Variants in C14orf39 observed in about 807,000 individuals in gnomAD.
C14orf39 encodes protein SIX6OS1.
C14orf39 carries 66 observed loss-of-function variants against 85.6 expected under a neutral mutation model. The ratio of observed to expected loss-of-function variants is 0.77; its 90% confidence interval spans 0.63 to 0.95. The LOEUF is 0.95. C14orf39 is among the 40% of genes least tolerant of loss of function. The pLI is 0.00. For missense variants in C14orf39, 735 were observed against 663.9 expected (o/e 1.11, Z -1.18); for synonymous variants, 242 against 214.0 (o/e 1.13, Z -1.14).
intron 17 of C14orf39, among the ~76,000 whole-genome samples, chr14:60,441,104 C>A (rs1890490258): frequency 6.6e-6 from 1 of 152,110 alleles, no homozygotes; most frequent in South Asian, 2.1e-4. Context: ...TGGAGCCTGA[C>A]TTCCCACAGC....
In C14orf39 at chr14:60,442,020, A is replaced by G. The variant is rs140808209; in HGVS notation, c.1561+54T>C. On this transcript the variant is annotated intron_variant, in intron 17 of 17. Transcript: ENST00000321731. ...AGAAAATAAGTTAGAGAAACTAAAT[A>G]CTGTACTAATGAGTTAACATGTTTT... is the stretch of plus-strand genomic sequence containing the variant. 236 of 1,226,072 alleles carry G rather than the reference A, an allele frequency of 1.9e-4. 1 individual carries two copies. The African/African-American group carries it at 2.9e-3, about 15-fold the overall frequency. The allele number at this position is 1,226,072 out of a possible 1,614,324, so 75.9% of individuals were successfully genotyped here.
At chr14:60,502,540 C>T (rs1245154445) in intron 1 of C14orf39, among the ~76,000 whole-genome samples, 1 of 152,104 alleles carries the variant, frequency 6.6e-6, no homozygotes, top group Non-Finnish European at 1.5e-5. Flanking sequence ...ATTAATTTCA[C>T]CAAAACCAAG....
intron 17 of C14orf39, among the ~76,000 whole-genome samples, chr14:60,438,268 A>G (rs555624275): frequency 6.6e-6 from 1 of 152,100 alleles, no homozygotes; most frequent in South Asian, 2.1e-4. Flanking sequence ...ACAGATGGAT[A>G]GATGGACAGA....
chr14:60,504,448 T>C (rs568833599), intron 1 of C14orf39, among the ~76,000 whole-genome samples: 4 of 152,366 alleles, frequency 2.6e-5, no homozygotes, highest in Non-Finnish European at 5.9e-5. Flanking sequence ...GAATTTTAAG[T>C]TTCTATGTGT....
At chr14:60,467,077 G>C in intron 9 of C14orf39, 33 bp from the exon 10 acceptor site, 2 of 1,092,926 alleles carry the variant, frequency 1.8e-6, no homozygotes, top group African/African-American at 3.3e-5. Flanking sequence ...TTAAATATTA[G>C]ATAAGTTAAA....
At chr14:60,467,104 G>T in intron 9 of C14orf39, 60 bp from the exon 10 acceptor site, 2 of 851,570 alleles carry the variant, frequency 2.3e-6, no homozygotes, top group Non-Finnish European at 3.2e-6. Context: ...ATATTTTAAA[G>T]CTAGGAGGCA....
chr14:60,438,224 C>T (rs1418091547), intron 17 of C14orf39, among the ~76,000 whole-genome samples: 1 of 151,808 alleles, frequency 6.6e-6, no homozygotes, highest in East Asian at 1.9e-4. Context: ...CCAAGTCAAC[C>T]AGCAGTAAGA....
intron 5 of C14orf39, among the ~76,000 whole-genome samples, chr14:60,472,428 T>C (rs1466210672): frequency 3.3e-5 from 5 of 152,140 alleles, no homozygotes; most frequent in African/African-American, 1.2e-4. Context: ...ACTTTTAAGT[T>C]TTAGGGTATA....
At chr14:60,472,569 A>G (rs1216457962) in intron 5 of C14orf39, among the ~76,000 whole-genome samples, 1 of 152,006 alleles carries the variant, frequency 6.6e-6, no homozygotes, top group Non-Finnish European at 1.5e-5. Flanking sequence ...TCCCCACAAC[A>G]GGCCCCGGGG....
At chr14:60,438,148 A>G (rs1890345494) in intron 17 of C14orf39, among the ~76,000 whole-genome samples, 5 of 151,956 alleles carry the variant, frequency 3.3e-5, no homozygotes, top group Admixed American at 3.3e-4. Flanking sequence ...AAATTTTTTA[A>G]CTTTCATATA....
intron 1 of C14orf39, among the ~76,000 whole-genome samples, chr14:60,501,144 C>A (rs371400012): frequency 1.1e-3 from 172 of 151,780 alleles, no homozygotes; most frequent in African/African-American, 3.9e-3. Flanking sequence ...TCTACACACA[C>A]AAAAAATTAT....
intron 13 of C14orf39, among the ~76,000 whole-genome samples, chr14:60,461,088 T>C (rs1423737431): frequency 2.0e-5 from 3 of 151,896 alleles, no homozygotes; most frequent in East Asian, 1.9e-4. Context: ...TAAAAATGCA[T>C]AGAAAAAAAT....
At chr14:60,474,899 G>A (rs1370316808) in intron 5 of C14orf39, among the ~76,000 whole-genome samples, 1 of 152,140 alleles carries the variant, frequency 6.6e-6, no homozygotes, top group Non-Finnish European at 1.5e-5. Flanking sequence ...TTGGTATCAG[G>A]ATGATGCTGG....
chr14:60,479,195 T>A (rs1465758063), intron 4 of C14orf39, among the ~76,000 whole-genome samples: 1 of 152,190 alleles, frequency 6.6e-6, no homozygotes, highest in Non-Finnish European at 1.5e-5. Flanking sequence ...AATTATACAT[T>A]TTAACATCAT....
chr14:60,497,446 G>A lies in C14orf39; in HGVS notation c.-9+1850C>T, dbSNP rs1443408035. 3.3e-5 allele frequency among the ~76,000 whole-genome samples: 5 copies of A among 152,282 alleles called. No homozygotes were observed. The East Asian group carries it at 5.8e-4, about 18-fold the overall frequency. On this transcript the variant is annotated intron_variant, in intron 2 of 5. Transcript: ENST00000556799. ...AACAAATAGGTTACAGCAACAGTTT[G>A]TCATAATGACTATAATCCCAATTCA...
chr14:60,513,971 A>G (rs1377467956), intron 1 of C14orf39, among the ~76,000 whole-genome samples: 1 of 152,156 alleles, frequency 6.6e-6, no homozygotes, highest in Non-Finnish European at 1.5e-5. Flanking sequence ...CAATCTGGAT[A>G]TTTATTTATT....
At chr14:60,480,012 A>G (rs1256081861) in intron 4 of C14orf39, among the ~76,000 whole-genome samples, 1 of 152,238 alleles carries the variant, frequency 6.6e-6, no homozygotes, top group African/African-American at 2.4e-5. Context: ...CAAAGAAGAG[A>G]TACAAATGGC....
At chr14:60,452,685 A>T (rs2140059478) in intron 16 of C14orf39, among the ~76,000 whole-genome samples, 1 of 152,302 alleles carries the variant, frequency 6.6e-6, no homozygotes, top group South Asian at 2.1e-4. Context: ...TAAATGTTTG[A>T]GGGGATGGAT....
intron 5 of C14orf39, among the ~76,000 whole-genome samples, chr14:60,473,280 G>C (rs1375853975): frequency 1.3e-5 from 2 of 152,098 alleles, no homozygotes; most frequent in Non-Finnish European, 2.9e-5. Flanking sequence ...ATTTGTTTAA[G>C]TTCATTATAG....
Sources: gnomAD v4.1 joint callset for allele counts (sites outside exome capture counted in the v4.1 genomes callset) on GRCh38, gnomAD v4.1.1 for gene constraint, MANE v1.5 for transcripts, NCBI Gene and HGNC (gene_info 2026-07-23, HGNC 2026-07-21) for gene names.